SCD5: variants seen among roughly 807,000 people sequenced by gnomAD.
SCD5 encodes the protein acyl-CoA-desaturase 4.
SCD5 carries 20 observed loss-of-function variants against 30.4 expected under a neutral mutation model. The observed-to-expected ratio is 0.66, with a 90% CI of 0.46 to 0.96. The LOEUF is 0.96. SCD5 is among the 40% of genes least tolerant of loss of function. SCD5 has a pLI of 0.00. For synonymous variants in SCD5, 173 were observed against 176.4 expected (o/e 0.98, Z 0.16); for missense variants, 381 against 443.3 (o/e 0.86, Z 1.26).
intron 1 of SCD5, among the ~76,000 whole-genome samples, chr4:82,771,517 C>G (rs1179388355): frequency 6.6e-6 from 1 of 152,188 alleles, no homozygotes; most frequent in Non-Finnish European, 1.5e-5. Context: ...CACAGCAACC[C>G]TACTAGAAAA....
chr4:82,648,217 G>A (rs1727670872), intron 3 of SCD5, among the ~76,000 whole-genome samples: 2 of 152,238 alleles, frequency 1.3e-5, no homozygotes, highest in African/African-American at 2.4e-5. Flanking sequence ...TTTGGGGGAA[G>A]AATGTCTCAC....
At chr4:82,660,519 G>C in intron 3 of SCD5, 2 of 1,113,116 alleles carry the variant, frequency 1.8e-6, no homozygotes, top group Non-Finnish European at 2.2e-6. Context: ...TGTATGTGTA[G>C]TTAATAACAC....
At chr4:82,722,302 A>G (rs1183560808) in intron 1 of SCD5, among the ~76,000 whole-genome samples, 1 of 123,026 alleles carries the variant, frequency 8.1e-6, no homozygotes, top group Non-Finnish European at 1.7e-5. Context: ...TCTAGTTATG[A>G]TCAAAAAATT....
rs971501719 is a variant in SCD5 at position 82,784,692 on chromosome 4, GT to G, written c.232+13613del. ...TAACTTTAAGCCAGAATAACAGACTGTTTTTTTTTAAGTTCTCATTAAACTA... is the reference window on the plus strand; with the variant it reads ...TAACTTTAAGCCAGAATAACAGACTGTTTTTTTTAAGTTCTCATTAAACTA... On this transcript the variant is annotated intron_variant, in intron 1 of 4. Transcript: ENST00000319540. Among the ~76,000 whole-genome samples, 24 of 151,434 alleles carry G rather than the reference GT, an allele frequency of 1.6e-4. No individual in the cohort carries two copies. The South Asian group carries it at 4.2e-3, about 26-fold the overall frequency.
At chr4:82,719,287 T>C (rs1187710634) in intron 1 of SCD5, among the ~76,000 whole-genome samples, 2 of 151,504 alleles carry the variant, frequency 1.3e-5, no homozygotes, top group East Asian at 1.9e-4. Flanking sequence ...CAGTAGTACA[T>C]GCACTCTGAA....
chr4:82,777,276 C>T (rs1721762818), intron 1 of SCD5, among the ~76,000 whole-genome samples: 1 of 152,234 alleles, frequency 6.6e-6, no homozygotes, highest in South Asian at 2.1e-4. Context: ...TGTCAAGTTT[C>T]CCCTCCTCGG....
Position 82,705,461 on chromosome 4 carries a change from C to T in SCD5, c.233-48G>A, listed in dbSNP as rs144913287. On this transcript the variant is annotated intron_variant, in intron 1 of 4. Coordinates refer to ENST00000319540, the MANE Select transcript of SCD5 (RefSeq NM_001037582.3). ...ACGTCAACAATGGTCCCTGAGCTTTCAAACACCCCCCATGCTTTTTCTCTC... is the reference window on the plus strand; with the variant it reads ...ACGTCAACAATGGTCCCTGAGCTTTTAAACACCCCCCATGCTTTTTCTCTC... 3.9e-3 allele frequency: 6,220 copies of T among 1,606,150 alleles called. 18 individuals are homozygous for T. The highest frequency in any genetic ancestry group is 9.1e-3 in the Middle Eastern group (55 of 6,038).
intron 1 of SCD5, among the ~76,000 whole-genome samples, chr4:82,734,636 T>G (rs7672111): frequency 0.31 from 47,500 of 152,084 alleles, 7,543 homozygotes; most frequent in Middle Eastern, 0.38. Context: ...ATACAAAACA[T>G]CAAAGCAACA....
At chr4:82,763,048 C>T (rs1022378221) in intron 1 of SCD5, among the ~76,000 whole-genome samples, 1 of 152,220 alleles carries the variant, frequency 6.6e-6, no homozygotes, top group Non-Finnish European at 1.5e-5. Flanking sequence ...CCAATAATTA[C>T]AGCACACCAC....
chr4:82,663,818 T>C (rs1019397788), intron 3 of SCD5, among the ~76,000 whole-genome samples: 3 of 152,138 alleles, frequency 2.0e-5, no homozygotes, highest in Non-Finnish European at 4.4e-5. Flanking sequence ...AAAGAAACAT[T>C]GCTGCTGAGG....
intron 2 of SCD5, among the ~76,000 whole-genome samples, chr4:82,684,240 G>A (rs28692969): frequency 0.095 from 14,475 of 152,106 alleles, 1,080 homozygotes; most frequent in African/African-American, 0.2. Context: ...AAATAATCAA[G>A]CACATAATGA....
rs200390597 is a variant in SCD5, at chr4:82,664,989, C to A, written c.569+15718G>T. Among the ~76,000 whole-genome samples the A allele has an allele frequency of 6.2e-3, 638 of 103,026 alleles. 6 individuals carry two copies. Among genetic ancestry groups the A allele is most frequent in the Middle Eastern group, 0.019 (4 of 214 alleles). 67.6% of individuals were successfully genotyped at this position (103,026 alleles called of 152,430 possible). Reference sequence around the variant, plus strand: ...TCTCTCTCTCTCTCTCTCTCTCTCTCTCTCTCTCTCTATATATATATATAT... The same window carrying A: ...TCTCTCTCTCTCTCTCTCTCTCTCTATCTCTCTCTCTATATATATATATAT... On this transcript the variant is annotated intron_variant, in intron 3 of 4. Coordinates refer to ENST00000319540, the MANE Select transcript of SCD5 (RefSeq NM_001037582.3).
chr4:82,654,734 T>G (rs1247204540), intron 3 of SCD5, among the ~76,000 whole-genome samples: 3 of 152,156 alleles, frequency 2.0e-5, no homozygotes, highest in Admixed American at 6.5e-5. Flanking sequence ...CTGGTCAATG[T>G]GATACTTCCC....
At chr4:82,769,051 G>A (rs1721556546) in intron 1 of SCD5, among the ~76,000 whole-genome samples, 1 of 151,994 alleles carries the variant, frequency 6.6e-6, no homozygotes, top group African/African-American at 2.4e-5. Context: ...GGAGGTTGGA[G>A]GCTGAGGTGT....
intron 1 of SCD5, among the ~76,000 whole-genome samples, chr4:82,737,340 G>A (rs1488673331): frequency 1.3e-5 from 2 of 152,168 alleles, no homozygotes; most frequent in Non-Finnish European, 2.9e-5. Flanking sequence ...TGTTAATGCA[G>A]TAGAAATAGT....
intron 3 of SCD5, among the ~76,000 whole-genome samples, chr4:82,644,028 A>C (rs1727593953): frequency 6.6e-6 from 1 of 152,224 alleles, no homozygotes; most frequent in African/African-American, 2.4e-5. Context: ...AGTTGAGTCA[A>C]GATGTTCTGT....
chr4:82,792,997 A>G (rs1722131544), intron 1 of SCD5, among the ~76,000 whole-genome samples: 1 of 152,230 alleles, frequency 6.6e-6, no homozygotes, highest in Non-Finnish European at 1.5e-5. Flanking sequence ...TGTTGGGACT[A>G]TTAGAGCCAG....
rs533491566 is a variant in SCD5, at chr4:82,715,456, C to G, written c.233-10043G>C. ...TGGCTTCTATCTGGGTTATTTTCAG[C>G]ATCCAGAGCCTAGATTAGGAACTGG... is the stretch of plus-strand genomic sequence containing the variant. On this transcript the variant is annotated intron_variant, in intron 1 of 4. Coordinates refer to ENST00000319540, the MANE Select transcript of SCD5 (RefSeq NM_001037582.3). Among the ~76,000 whole-genome samples, 8 of 151,468 alleles carry G rather than the reference C, an allele frequency of 5.3e-5. 3 individuals are homozygous for G. The highest frequency in any genetic ancestry group is 2.0e-4 in the African/African-American group (8 of 40,914).
At position 82,750,373 on chromosome 4, in the gene SCD5, A is replaced by G. The variant is rs143997380; in HGVS notation, c.233-44960T>C. 7.8e-3 allele frequency among the ~76,000 whole-genome samples: 1,188 copies of G among 152,288 alleles called. 14 individuals carry two copies. The highest frequency in any genetic ancestry group is 0.025 in the African/African-American group (1,040 of 41,564). On this transcript the variant is annotated intron_variant, in intron 1 of 4. Coordinates refer to ENST00000319540, the MANE Select transcript of SCD5 (RefSeq NM_001037582.3). Reference sequence around the variant, plus strand: ...CTGCAGGAGTAACACAGGACCAAACACTATCTCCAAAACATCTGTGTAACA... The same window carrying G: ...CTGCAGGAGTAACACAGGACCAAACGCTATCTCCAAAACATCTGTGTAACA...
Sources: gnomAD v4.1 joint callset for allele counts (sites outside exome capture counted in the v4.1 genomes callset) on GRCh38, gnomAD v4.1.1 for gene constraint, MANE v1.5 for transcripts, NCBI Gene and HGNC (gene_info 2026-07-23, HGNC 2026-07-21) for gene names.